The following RBM34 variants were observed in gnomAD, a reference collection of about 807,000 sequenced individuals.
The protein encoded by RBM34 is RNA binding motif protein 34.
Under a neutral mutation model 44.6 loss-of-function variants are expected in RBM34, and 39 were observed. That is an observed-to-expected ratio of 0.87 (90% CI 0.68 to 1.14). The LOEUF is 1.14. Among genes scored for constraint, RBM34 ranks in the 50% most tolerant of loss-of-function variants. The probability of loss-of-function intolerance (pLI) is 0.00; values close to 1 mark genes in which losing one functional copy is unlikely to be tolerated. For missense variants in RBM34, 572 were observed against 517.9 expected, an observed-to-expected ratio of 1.10 and a Z score of -1.01; for synonymous variants, 194 against 184.0, an observed-to-expected ratio of 1.05 and a Z score of -0.44.
rs536027069 is a variant in RBM34, at chr1:235,148,685, A to G, written c.658-238T>C. Among the ~76,000 whole-genome samples the G allele has an allele frequency of 6.0e-5, 9 of 150,324 alleles. No homozygotes were observed. In the East Asian group the frequency reaches 1.8e-3, roughly 30 times the overall value. ...ATGATGTCGGCTCATTGCAAGCTCC[A>G]CCTGCTGGGTTCACAACATTCTCCT... On this transcript the variant is annotated intron_variant, in intron 5 of 10. Transcript: ENST00000408888.
chr1:235,159,449 G>A (rs1662596675), intron 3 of RBM34, among the ~76,000 whole-genome samples: 1 of 151,230 alleles, frequency 6.6e-6, no homozygotes, highest in Admixed American at 6.6e-5. Context: ...TCAGTAGGCT[G>A]AGGCAGAAGA....
Position 235,154,880 on chromosome 1 carries a change from C to A in RBM34, c.597+1G>T. ...TGAACTTTTACCATATACAAACTCA[C>A]CTTCTTATTACATGTAACAGGCAAA... On this transcript the variant is annotated splice_donor_variant, in intron 4 of 10. Transcript: ENST00000408888. LOFTEE classifies it high-confidence loss of function. The A allele has an allele frequency of 6.2e-7, 1 of 1,609,300 alleles. No individual in the cohort carries two copies. The highest frequency in any genetic ancestry group is 1.1e-5 in the South Asian group (1 of 90,854).
At chr1:235,139,651 A>G (rs1322154468) in intron 6 of RBM34, among the ~76,000 whole-genome samples, 1 of 152,202 alleles carries the variant, frequency 6.6e-6, no homozygotes, top group Non-Finnish European at 1.5e-5. Context: ...GTAAAAAGCC[A>G]GAAAGTGCAT....
At chr1:235,159,499 G>C (rs1259811499) in intron 3 of RBM34, among the ~76,000 whole-genome samples, 6 of 148,206 alleles carry the variant, frequency 4.0e-5, no homozygotes, top group Non-Finnish European at 8.9e-5. Flanking sequence ...AGTGAGTCAA[G>C]ATTGCGCCAC....
At chr1:235,160,826 G>A (rs960837253) in intron 2 of RBM34, 67 bp downstream of exon 2, 12 of 1,575,418 alleles carry the variant, frequency 7.6e-6, no homozygotes, top group Non-Finnish European at 8.6e-6. Context: ...CACGCGGTAG[G>A]TAAGAAGATT....
chr1:235,160,861 G>A (rs1174365739), intron 2 of RBM34, 32 bp downstream of exon 2: 13 of 1,609,486 alleles, frequency 8.1e-6, no homozygotes, highest in East Asian at 2.2e-5. Context: ...TGGTTCTAAC[G>A]AGCTATTCGG....
At chr1:235,141,927 G>A (rs1016007137) in intron 6 of RBM34, among the ~76,000 whole-genome samples, 33 of 152,296 alleles carry the variant, frequency 2.2e-4, no homozygotes, top group South Asian at 6.2e-4. Context: ...GCGAGGGTCC[G>A]CGGCTTCATT....
chr1:235,148,674 T>C (rs1662019032), intron 5 of RBM34, among the ~76,000 whole-genome samples: 2 of 151,772 alleles, frequency 1.3e-5, no homozygotes, highest in South Asian at 2.1e-4. Context: ...TGTCGGCTCA[T>C]TGCAAGCTCC....
chr1:235,155,648 G>C (rs1334618253), intron 3 of RBM34, among the ~76,000 whole-genome samples: 1 of 150,510 alleles, frequency 6.6e-6, no homozygotes, highest in African/African-American at 2.5e-5. Context: ...GGGATTACAG[G>C]TGGCTGCCAT....
At chr1:235,146,626 AT>A (rs1228651910) in intron 6 of RBM34, among the ~76,000 whole-genome samples, 1 of 152,070 alleles carries the variant, frequency 6.6e-6, no homozygotes, top group African/African-American at 2.4e-5. Flanking sequence ...AATTTTATTT[AT>A]TTATTTATTT....
chr1:235,133,579 G>T (rs1470636011), intron 10 of RBM34, among the ~76,000 whole-genome samples: 1 of 152,172 alleles, frequency 6.6e-6, no homozygotes, highest in Non-Finnish European at 1.5e-5. Flanking sequence ...GTAGTAATGG[G>T]TTGTTACTGA....
intron 8 of RBM34, 69 bp from the exon 9 acceptor site, chr1:235,136,142 C>A: frequency 7.7e-7 from 1 of 1,296,474 alleles, no homozygotes; most frequent in East Asian, 2.4e-5. Flanking sequence ...GAAAATCCTC[C>A]CTATCCCTCC....
intron 5 of RBM34, among the ~76,000 whole-genome samples, chr1:235,149,871 A>T (rs1311312995): frequency 6.6e-6 from 1 of 152,228 alleles, no homozygotes; most frequent in Non-Finnish European, 1.5e-5. Flanking sequence ...TTACATAGTA[A>T]AACTATGAAA....
chr1:235,133,853 G>A (rs1661307462), intron 10 of RBM34, among the ~76,000 whole-genome samples: 1 of 151,958 alleles, frequency 6.6e-6, no homozygotes, highest in South Asian at 2.1e-4. Context: ...GGATATCAAG[G>A]GATGACAATA....
At chr1:235,152,258 A>G (rs1383097689) in intron 5 of RBM34, among the ~76,000 whole-genome samples, 1 of 152,216 alleles carries the variant, frequency 6.6e-6, no homozygotes, top group East Asian at 1.9e-4. Flanking sequence ...ACTCACTTCT[A>G]TAAAGTTTTA....
At chr1:235,150,045 G>A (rs181667711) in intron 5 of RBM34, among the ~76,000 whole-genome samples, 45 of 152,176 alleles carry the variant, frequency 3.0e-4, no homozygotes, top group African/African-American at 9.4e-4. Context: ...TCTGTACAGC[G>A]TCTACGTCCC....
In RBM34 at chr1:235,131,751, T is replaced by C. The variant is rs940879740; in HGVS notation, c.1255A>G (p.Lys419Glu). Residue 419 changes from lysine to glutamate, a missense_variant, in exon 11 of 11, where the codon AAA becomes GAA. By Grantham distance (56) the Lys-to-Glu change is moderately conservative. Transcript: ENST00000408888. The stretch of plus-strand genomic sequence containing the variant: ...CTCTGTTTCTTAGGGCGTCCACTTT[T>C]CTTCTGTCCTTTCTTCTTCGTTTTA... Reference protein sequence around the residue: ...LLKTKKKGQKKSGRPKKQRKQ... With the variant: ...LLKTKKKGQKESGRPKKQRKQ... 6.2e-7 allele frequency: 1 copy of C among 1,604,830 alleles called. No individual in the cohort carries two copies. The highest frequency in any genetic ancestry group is 1.1e-5 in the South Asian group (1 of 89,160).
intron 10 of RBM34, among the ~76,000 whole-genome samples, chr1:235,132,567 A>G (rs1661260071): frequency 6.6e-6 from 1 of 152,150 alleles, no homozygotes; most frequent in African/African-American, 2.4e-5. Flanking sequence ...TTGCCCTCCC[A>G]AAGTGCTGGG....
chr1:235,148,782 T>C (rs1558144684), intron 5 of RBM34, among the ~76,000 whole-genome samples: 2 of 151,936 alleles, frequency 1.3e-5, no homozygotes, highest in Non-Finnish European at 2.9e-5. Flanking sequence ...GTATTTTTAG[T>C]AGAGATGCGG....
Sources: allele counts gnomAD v4.1 joint callset (sites outside exome capture counted in the v4.1 genomes callset), GRCh38; gene constraint gnomAD v4.1.1; transcripts MANE v1.5; gene names NCBI Gene and HGNC (gene_info 2026-07-23, HGNC 2026-07-21).